Variants in FBN3 observed in about 807,000 individuals in gnomAD.
FBN3 encodes fibrillin 3, also known as fibrillin-3.
Under a neutral mutation model 330.1 loss-of-function variants are expected in FBN3, and 234 were observed. The observed-to-expected ratio is 0.71, with a 90% CI of 0.64 to 0.79. FBN3 has a LOEUF of 0.79. Ranked by LOEUF, FBN3 falls within the 30% of genes least tolerant of loss-of-function variation. The probability of loss-of-function intolerance (pLI) is 0.00; values close to 1 mark genes in which losing one functional copy is unlikely to be tolerated. For missense variants in FBN3, 3,606 were observed against 3,886.9 expected (o/e 0.93, Z 1.92); for synonymous variants, 1,458 against 1,517.3 (o/e 0.96, Z 0.91).
chr19:8,124,829 C>G (rs141040799), intron 22 of FBN3, among the ~76,000 whole-genome samples: 4 of 152,316 alleles, frequency 2.6e-5, no homozygotes, highest in African/African-American at 9.6e-5. Context: ...AGCCACCATG[C>G]CCGGCCACTA....
At chr19:8,108,543 T>C (rs902581446) in intron 36 of FBN3, among the ~76,000 whole-genome samples, 1 of 152,014 alleles carries the variant, frequency 6.6e-6, no homozygotes, top group African/African-American at 2.4e-5. Flanking sequence ...AGAAGATTAT[T>C]CCTTCTGATC....
chr19:8,100,014 A>G (rs2082294578), intron 41 of FBN3, among the ~76,000 whole-genome samples: 1 of 151,848 alleles, frequency 6.6e-6, no homozygotes, highest in Admixed American at 6.6e-5. Context: ...CCATCTCAAA[A>G]AAAAAAAAAA....
rs554625728 is a variant in FBN3, at chr19:8,125,814, C to T, written c.2731+78G>A. 144 of 1,438,870 alleles carry T rather than the reference C, an allele frequency of 1.0e-4. No homozygotes were observed. The African/African-American group carries it at 1.9e-3, about 19-fold the overall frequency. The allele number at this position is 1,438,870 out of a possible 1,614,324, so 89.1% of individuals were successfully genotyped here. ...TCAAAAAAAAAAAAAAAAATCTCTC[C>T]TGTTCCTCAAGTCACTGCGGGTGGA... On this transcript the variant is annotated intron_variant, in intron 22 of 63. Transcript: ENST00000600128.
chr19:8,117,557 A>G lies in FBN3; in HGVS notation c.3370T>C (p.Cys1124Arg). 1 of 1,556,478 alleles carries G rather than the reference A, an allele frequency of 6.4e-7. No individual in the cohort carries two copies. Among genetic ancestry groups the G allele is most frequent in the South Asian group, 1.2e-5 (1 of 84,158 alleles). The change falls in exon 27 of 64, where the codon TGT becomes CGT. Residue 1124 changes from cysteine (C) to arginine (R), a missense_variant. By Grantham distance (180) the Cys-to-Arg change is radical (BLOSUM62 -3). Coordinates refer to ENST00000600128, the MANE Select transcript of FBN3 (RefSeq NM_032447.5). ...ACATTGACACACTGGCCATGGGGACACAGGCCATCACTCAGGGAGCACTCA... is the reference window on the plus strand; with the variant it reads ...ACATTGACACACTGGCCATGGGGACGCAGGCCATCACTCAGGGAGCACTCA... ...IDECSLSDGLCPHGQCVNVIG... is the reference protein window; with the variant it reads ...IDECSLSDGLRPHGQCVNVIG...
In FBN3 at chr19:8,125,932, T is replaced by A; in HGVS notation, c.2691A>T (p.Pro897=). 6.2e-7 allele frequency: 1 copy of A among 1,613,838 alleles called. No individual in the cohort carries two copies. The part of the protein sequence containing the change: ...NTAGSFRCEC[P]EGLMLDASGR... ...CTGAGGCGTCCAGCATCAGGCCCTC[T>A]GGACACTCACAGCGGAAAGACCCAG... The change falls in exon 22 of 64, where the codon CCA becomes CCT. Residue 897 remains proline (P), a synonymous_variant. Coordinates refer to ENST00000600128, the MANE Select transcript of FBN3 (RefSeq NM_032447.5).
intron 38 of FBN3, among the ~76,000 whole-genome samples, chr19:8,105,583 T>G (rs968958624): frequency 3.9e-5 from 6 of 152,226 alleles, no homozygotes; most frequent in Non-Finnish European, 8.8e-5. Flanking sequence ...AATTTTCATG[T>G]GTCACAAAAT....
At chr19:8,114,480 C>T (rs911263224) in intron 30 of FBN3, among the ~76,000 whole-genome samples, 1 of 152,246 alleles carries the variant, frequency 6.6e-6, no homozygotes, top group Non-Finnish European at 1.5e-5. Context: ...AACTCCTGAC[C>T]TCAGGTAATC....
At chr19:8,101,979 G>A (rs896340285) in intron 40 of FBN3, among the ~76,000 whole-genome samples, 3 of 152,186 alleles carry the variant, frequency 2.0e-5, no homozygotes, top group Non-Finnish European at 4.4e-5. Context: ...GTCACGGGAG[G>A]GACCCGGTGG....
At chr19:8,118,493 G>A (rs2144877118) in intron 26 of FBN3, among the ~76,000 whole-genome samples, 1 of 152,138 alleles carries the variant, frequency 6.6e-6, no homozygotes, top group South Asian at 2.1e-4. Context: ...CTACGCACAT[G>A]CAAACACACT....
chr19:8,078,291 C>T (rs892172568), intron 59 of FBN3, among the ~76,000 whole-genome samples: 1 of 152,174 alleles, frequency 6.6e-6, no homozygotes, highest in Non-Finnish European at 1.5e-5. Context: ...CACGGTCTTT[C>T]ATTTACGTAT....
chr19:8,072,993 G>T, intron 62 of FBN3, 70 bp downstream of exon 62: 1 of 890,544 alleles, frequency 1.1e-6, no homozygotes, highest in Non-Finnish European at 1.8e-6. Context: ...GTGTGTGTGT[G>T]TGTGTGTGTG....
intron 59 of FBN3, among the ~76,000 whole-genome samples, chr19:8,077,832 T>G (rs2081676767): frequency 6.6e-6 from 1 of 152,054 alleles, no homozygotes; most frequent in African/African-American, 2.4e-5. Flanking sequence ...ATCCCAGCAC[T>G]TTGGAAGGCC....
intron 24 of FBN3, among the ~76,000 whole-genome samples, chr19:8,122,696 T>G: frequency 2.4e-5 from 3 of 124,926 alleles, no homozygotes; most frequent in South Asian, 2.5e-4. Flanking sequence ...TGAGATGGAG[T>G]CTCTGTCGCC....
At chr19:8,132,781 G>A (rs542593970) in intron 14 of FBN3, among the ~76,000 whole-genome samples, 50 of 152,080 alleles carry the variant, frequency 3.3e-4, no homozygotes, top group Non-Finnish European at 6.8e-4. Flanking sequence ...CGTGAGCCAC[G>A]GCACCTGCCT....
chr19:8,146,542 G>A lies in FBN3; in HGVS notation c.251-317C>T, dbSNP rs541032897. ...CTGGGGTCCTGGATACTGAGGTTGG[G>A]TGTCTCCTGGGAAGTGGAGTCAGAT... is the stretch of plus-strand genomic sequence containing the variant. On this transcript the variant is annotated intron_variant, in intron 3 of 63. Coordinates refer to ENST00000600128, the MANE Select transcript of FBN3 (RefSeq NM_032447.5). Among the ~76,000 whole-genome samples, 76 of 152,286 alleles carry A rather than the reference G, an allele frequency of 5.0e-4. No individual in the cohort carries two copies. The South Asian group carries it at 0.016, about 31-fold the overall frequency.
chr19:8,076,247 CGTGTGTGTGTGTGTGT>C (rs34549426), intron 59 of FBN3, among the ~76,000 whole-genome samples: 9 of 147,646 alleles, frequency 6.1e-5, no homozygotes, highest in Non-Finnish European at 1.5e-5. Flanking sequence ...TGTCCGTGTG[CGTGTGTGTGTGTGTGT>C]GTGTGTGTGT....
intron 13 of FBN3, among the ~76,000 whole-genome samples, chr19:8,134,574 T>G (rs150773239): frequency 0.011 from 1,708 of 152,206 alleles, 11 homozygotes; most frequent in South Asian, 0.038. Flanking sequence ...GCTTGCATAT[T>G]AGTCTGTCTG....
At chr19:8,144,292 G>A (rs933782762) in intron 6 of FBN3, among the ~76,000 whole-genome samples, 11 of 152,002 alleles carry the variant, frequency 7.2e-5, no homozygotes, top group African/African-American at 2.2e-4. Context: ...AGCTACTCGG[G>A]AGGCTGAAGC....
At chr19:8,146,420 G>C (rs2083548625) in intron 3 of FBN3, among the ~76,000 whole-genome samples, 195 bp from the exon 4 acceptor site, 1 of 152,226 alleles carries the variant, frequency 6.6e-6, no homozygotes, top group African/African-American at 2.4e-5. Flanking sequence ...GGCAGGGTGT[G>C]TGACCCAGGC....
Sources: gnomAD v4.1 joint callset for allele counts (sites outside exome capture counted in the v4.1 genomes callset) on GRCh38, gnomAD v4.1.1 for gene constraint, MANE v1.5 for transcripts, NCBI Gene and HGNC (gene_info 2026-07-23, HGNC 2026-07-21) for gene names.